CSMD1: variants seen among roughly 807,000 people sequenced by gnomAD.
CSMD1 encodes the protein CUB and sushi domain-containing protein 1.
CSMD1 carries 213 observed loss-of-function variants against 417.5 expected under a neutral mutation model. The ratio of observed to expected loss-of-function variants is 0.51; its 90% CI spans 0.46 to 0.57. CSMD1 has a LOEUF of 0.57. Ranked by LOEUF, CSMD1 falls within the 20% of genes least tolerant of loss-of-function variation. The pLI, the probability that CSMD1 is intolerant of heterozygous loss-of-function variation, is 0.00. For synonymous variants in CSMD1, 2,862 were observed against 1,736.8 expected, an observed-to-expected ratio of 1.65 and a Z score of -16.11; for missense variants, 6,923 against 4,529.7, an observed-to-expected ratio of 1.53 and a Z score of -15.17.
At chr8:3,411,421 T>C (rs1812693184) in intron 12 of CSMD1, among the ~76,000 whole-genome samples, 1 of 152,008 alleles carries the variant, frequency 6.6e-6, no homozygotes, top group Admixed American at 6.5e-5. Flanking sequence ...GCGTTCATTT[T>C]GTAGTCTTCT....
chr8:4,448,763 A>T (rs531501581), intron 2 of CSMD1, among the ~76,000 whole-genome samples: 2 of 152,212 alleles, frequency 1.3e-5, no homozygotes, highest in African/African-American at 4.8e-5. Context: ...AATGACAACC[A>T]TATTTAAGGC....
intron 3 of CSMD1, among the ~76,000 whole-genome samples, chr8:4,048,664 G>T (rs1331574533): frequency 6.6e-6 from 1 of 152,200 alleles, no homozygotes; most frequent in Non-Finnish European, 1.5e-5. Flanking sequence ...TCCAACCACA[G>T]AGGAAAGTGT....
chr8:4,797,166 T>G (rs1798025814), intron 1 of CSMD1, among the ~76,000 whole-genome samples: 1 of 152,186 alleles, frequency 6.6e-6, no homozygotes, highest in Non-Finnish European at 1.5e-5. Context: ...CAGCAGCATC[T>G]CAGGCTCCAG....
intron 2 of CSMD1, among the ~76,000 whole-genome samples, chr8:4,625,753 TG>T (rs1307685417): frequency 6.6e-6 from 1 of 152,146 alleles, no homozygotes; most frequent in African/African-American, 2.4e-5. Flanking sequence ...AGAAAGAGTC[TG>T]GTTCTGTCGC....
At chr8:3,683,295 T>C (rs983574905) in intron 7 of CSMD1, among the ~76,000 whole-genome samples, 4 of 152,168 alleles carry the variant, frequency 2.6e-5, no homozygotes, top group African/African-American at 7.2e-5. Context: ...ACCCAGAATA[T>C]GGATGGATCA....
chr8:3,272,857 T>C (rs1050994413), intron 26 of CSMD1, among the ~76,000 whole-genome samples: 85 of 150,716 alleles, frequency 5.6e-4, no homozygotes, highest in African/African-American at 1.9e-3. Context: ...TTTCCAGATA[T>C]ACAATCATGT....
chr8:3,770,025 A>G (rs1412728838), intron 5 of CSMD1, among the ~76,000 whole-genome samples: 1 of 152,026 alleles, frequency 6.6e-6, no homozygotes, highest in Admixed American at 6.6e-5. Flanking sequence ...GATCCGGCCA[A>G]TTTTCTACCT....
intron 2 of CSMD1, among the ~76,000 whole-genome samples, chr8:4,485,524 C>T (rs572078013): frequency 6.6e-6 from 1 of 152,104 alleles, no homozygotes; most frequent in Non-Finnish European, 1.5e-5. Flanking sequence ...ATCAATAGTC[C>T]CTTAATGGAA....
chr8:3,574,778 C>A (rs532452525), intron 10 of CSMD1, among the ~76,000 whole-genome samples, 167 bp downstream of exon 10: 1 of 152,368 alleles, frequency 6.6e-6, no homozygotes, highest in East Asian at 1.9e-4. Flanking sequence ...GAATCTCAGA[C>A]TGCTCTGCAA....
At chr8:3,517,123 T>C (rs560611141) in intron 10 of CSMD1, among the ~76,000 whole-genome samples, 1 of 152,318 alleles carries the variant, frequency 6.6e-6, no homozygotes, top group African/African-American at 2.4e-5. Context: ...GGCCATGGTG[T>C]GGCTAGCTCC....
chr8:3,390,641 T>C (rs1344345914), intron 17 of CSMD1, among the ~76,000 whole-genome samples: 4 of 151,384 alleles, frequency 2.6e-5, no homozygotes, highest in Admixed American at 1.3e-4. Flanking sequence ...TTGATACAAA[T>C]AGTTACAAAC....
At chr8:4,121,023 C>G (rs1237404716) in intron 3 of CSMD1, among the ~76,000 whole-genome samples, 2 of 152,144 alleles carry the variant, frequency 1.3e-5, no homozygotes, top group South Asian at 2.1e-4. Flanking sequence ...ATTAAACATA[C>G]TAGTTTAGTA....
chr8:3,847,042 C>G (rs1803556548), intron 5 of CSMD1, among the ~76,000 whole-genome samples: 1 of 152,104 alleles, frequency 6.6e-6, no homozygotes, highest in Non-Finnish European at 1.5e-5. Context: ...TCTTAGCAAT[C>G]TAGTCTCAGG....
chr8:4,586,045 G>C lies in CSMD1; in HGVS notation c.302+51297C>G, dbSNP rs575981745. Among the ~76,000 whole-genome samples the C allele has an allele frequency of 4.6e-5, 7 of 152,240 alleles. No individual in the cohort carries two copies. The South Asian group carries it at 1.5e-3, about 32-fold the overall frequency. On this transcript the variant is annotated intron_variant, in intron 2 of 69. Coordinates refer to ENST00000635120, the MANE Select transcript of CSMD1 (RefSeq NM_033225.6). The stretch of plus-strand genomic sequence containing the variant: ...TCATTATTATGCGCATGTAATGGTT[G>C]TACGTATACATGGAGTACACATGAT...
intron 5 of CSMD1, among the ~76,000 whole-genome samples, chr8:3,841,727 G>A (rs1209041815): frequency 6.6e-6 from 1 of 151,796 alleles, no homozygotes; most frequent in Non-Finnish European, 1.5e-5. Context: ...AACTACAATA[G>A]TTCCCTCCTA....
intron 11 of CSMD1, among the ~76,000 whole-genome samples, chr8:3,481,171 A>G (rs987212037): frequency 4.0e-5 from 6 of 150,426 alleles, no homozygotes; most frequent in African/African-American, 2.4e-5. Context: ...AAAAAAAAAA[A>G]AAAAAAAACC....
intron 40 of CSMD1, among the ~76,000 whole-genome samples, chr8:3,147,444 G>A (rs990479055): frequency 2.6e-5 from 4 of 152,162 alleles, no homozygotes; most frequent in Non-Finnish European, 4.4e-5. Context: ...TTGGAGAAAC[G>A]CTTCCTGAAG....
At chr8:3,245,416 G>A (rs1389100610) in intron 26 of CSMD1, among the ~76,000 whole-genome samples, 1 of 152,162 alleles carries the variant, frequency 6.6e-6, no homozygotes. Flanking sequence ...CTCTTTCTTA[G>A]AGCATTTTGT....
chr8:3,241,447 A>T (rs1475732232), intron 26 of CSMD1, among the ~76,000 whole-genome samples: 2 of 152,274 alleles, frequency 1.3e-5, no homozygotes, highest in Middle Eastern at 3.4e-3. Flanking sequence ...GTTGGTCTAC[A>T]GGGCTTCCGA....
Sources: allele counts gnomAD v4.1 joint callset (sites outside exome capture counted in the v4.1 genomes callset), GRCh38; gene constraint gnomAD v4.1.1; transcripts MANE v1.5; gene names NCBI Gene and HGNC (gene_info 2026-07-23, HGNC 2026-07-21).